The following RASA3 variants were observed in gnomAD, a reference collection of about 807,000 sequenced individuals.
RASA3 encodes RAS p21 protein activator 3, also known as ras GTPase-activating protein 3.
RASA3 carries 73 observed loss-of-function variants against 110.0 expected under a neutral mutation model. The ratio of observed to expected loss-of-function variants is 0.66; its 90% CI spans 0.55 to 0.81. The LOEUF (loss-of-function observed/expected upper bound fraction) is 0.81. Among genes scored for constraint, RASA3 ranks in the 30% least tolerant of loss-of-function variants. RASA3 has a pLI of 0.00. For missense variants in RASA3, 976 were observed against 1,113.2 expected (o/e 0.88, Z 1.75); for synonymous variants, 500 against 451.4 (o/e 1.11, Z -1.37).
intron 2 of RASA3, among the ~76,000 whole-genome samples, chr13:114,058,341 G>A (rs887596214): frequency 6.6e-6 from 1 of 152,174 alleles, no homozygotes; most frequent in Non-Finnish European, 1.5e-5. Flanking sequence ...TCGGGCGTGA[G>A]GCTCACCACT....
chr13:113,980,089 CCACG>C (rs2052882571), intron 23 of RASA3, among the ~76,000 whole-genome samples: 1 of 143,920 alleles, frequency 6.9e-6, no homozygotes, highest in Admixed American at 6.8e-5. Context: ...GCACCACCTC[CCACG>C]TGTGTGCACC....
At chr13:114,079,099 G>T (rs1012351608) in intron 1 of RASA3, among the ~76,000 whole-genome samples, 4 of 152,242 alleles carry the variant, frequency 2.6e-5, no homozygotes, top group Non-Finnish European at 5.9e-5. Flanking sequence ...AAGGAATGAA[G>T]GCAGCCACGG....
Position 114,056,733 on chromosome 13 carries a change from G to T in RASA3, c.174-4578C>A. On this transcript the variant is annotated intron_variant, in intron 2 of 23. Coordinates refer to ENST00000334062, the MANE Select transcript of RASA3 (RefSeq NM_007368.4). This position sits in a 1 kb window ranked among gnomAD's most constrained non-coding sequence, Gnocchi z 5.7. Reference sequence around the variant, plus strand: ...CATTCAATAAAAAGAGATAAAAATAGCAGAAAGAGGAAGCTACAAGAAAAC... The same window carrying T: ...CATTCAATAAAAAGAGATAAAAATATCAGAAAGAGGAAGCTACAAGAAAAC... 1 of 904,694 alleles carries T rather than the reference G, an allele frequency of 1.1e-6. No individual in the cohort carries two copies. Among genetic ancestry groups the T allele is most frequent in the African/African-American group, 1.8e-5 (1 of 55,780 alleles). The allele number at this position is 904,694 out of a possible 1,614,324, so 56.0% of individuals were successfully genotyped here.
intron 1 of RASA3, among the ~76,000 whole-genome samples, chr13:114,105,394 C>T (rs576768694): frequency 1.3e-5 from 2 of 152,280 alleles, no homozygotes; most frequent in African/African-American, 4.8e-5. Flanking sequence ...AGAGGCAACT[C>T]CACCAAGGGG....
In RASA3 at chr13:114,014,431, A is replaced by C. The variant is rs2053743885; in HGVS notation, c.1405+778T>G. On this transcript the variant is annotated intron_variant, in intron 14 of 23. Transcript: ENST00000334062. This position sits in a 1 kb window ranked among gnomAD's most constrained non-coding sequence, Gnocchi z 4.5. ...CAGCGTTTGTCTCCTGGGGACACAGAAGCGTGGACGGCTCTGCAGGACCAT... is the reference window on the plus strand; with the variant it reads ...CAGCGTTTGTCTCCTGGGGACACAGCAGCGTGGACGGCTCTGCAGGACCAT... Among the ~76,000 whole-genome samples, 1 of 152,142 alleles carries C rather than the reference A, an allele frequency of 6.6e-6. No individual in the cohort carries two copies. The highest frequency in any genetic ancestry group is 2.4e-5 in the African/African-American group (1 of 41,440).
chr13:114,062,544 CACA>C (rs1185599563), intron 2 of RASA3, among the ~76,000 whole-genome samples: 2 of 133,036 alleles, frequency 1.5e-5, no homozygotes, highest in East Asian at 4.6e-4. Context: ...CAATAGACAT[CACA>C]GCCCACGTCC....
At chr13:114,047,675 CTG>C (rs1465177818) in intron 3 of RASA3, among the ~76,000 whole-genome samples, 1 of 152,248 alleles carries the variant, frequency 6.6e-6, no homozygotes, top group Admixed American at 6.5e-5. Flanking sequence ...GGCGGCTGAG[CTG>C]TGTCTGTATG....
intron 1 of RASA3, among the ~76,000 whole-genome samples, chr13:114,117,547 G>A (rs2080303999): frequency 6.7e-6 from 1 of 148,900 alleles, no homozygotes; most frequent in Non-Finnish European, 1.5e-5. Flanking sequence ...CATGTGTGAG[G>A]GGAGCACGTG....
chr13:114,026,404 A>G (rs749050616), intron 7 of RASA3, among the ~76,000 whole-genome samples: 10 of 152,208 alleles, frequency 6.6e-5, no homozygotes, highest in African/African-American at 1.4e-4. Flanking sequence ...CCGCCTGTCT[A>G]TAAGTGAGGC....
chr13:113,979,399 CTCT>C lies in RASA3; in HGVS notation c.2450_2452del (p.Lys817del). 1 of 1,605,614 alleles carries C rather than the reference CTCT, an allele frequency of 6.2e-7. No individual in the cohort carries two copies. The highest frequency in any genetic ancestry group is 8.5e-7 in the Non-Finnish European group (1 of 1,172,442). ...CTGCTGCCGGATGTAGTTCTGGAAG[CTCT>C]TGTCTCCGATGGGGTGCTCCCTGAA... On this transcript the variant is annotated inframe_deletion, in exon 24 of 24. Transcript: ENST00000334062.
rs146390522 is a variant in RASA3, at chr13:114,123,077, G to A, written c.55+9358C>T. On this transcript the variant is annotated intron_variant, in intron 1 of 23. Transcript: ENST00000334062. ...TTCGGTGCGTGCCCGGCATGGAGAC[G>A]CTCCTGCTGCCGGCATGGCTTTGGG... Among the ~76,000 whole-genome samples, 698 of 152,332 alleles carry A rather than the reference G, an allele frequency of 4.6e-3. 6 individuals are homozygous for A. The highest frequency in any genetic ancestry group is 8.7e-3 in the Admixed American group (133 of 15,310).
chr13:114,024,201 T>A (rs2053984709), intron 8 of RASA3, 78 bp downstream of exon 8: 1 of 1,314,864 alleles, frequency 7.6e-7, no homozygotes, highest in Non-Finnish European at 1.1e-6. Flanking sequence ...GACCCTATAT[T>A]TAGTAACAAA....
chr13:114,069,146 A>AG (rs1353840719), intron 2 of RASA3, among the ~76,000 whole-genome samples: 1 of 152,072 alleles, frequency 6.6e-6, no homozygotes, highest in Non-Finnish European at 1.5e-5. Flanking sequence ...GAAGAAGAGA[A>AG]GCTGAGTTCC....
At chr13:114,034,938 G>A (rs950395206) in intron 4 of RASA3, among the ~76,000 whole-genome samples, 2 of 151,510 alleles carry the variant, frequency 1.3e-5, no homozygotes, top group African/African-American at 4.9e-5. Context: ...ACGCTGACCT[G>A]AGCTTAGAGC....
At chr13:114,029,081 A>T (rs74402064) in intron 5 of RASA3, among the ~76,000 whole-genome samples, 2 of 11,382 alleles carry the variant, frequency 1.8e-4, no homozygotes, top group Non-Finnish European at 2.6e-4. Context: ...CTAAAACGGC[A>T]TCATCCTGGG....
chr13:114,015,478 A>G, intron 13 of RASA3, 146 bp from the exon 14 acceptor site: 3 of 973,360 alleles, frequency 3.1e-6, no homozygotes, highest in Non-Finnish European at 3.0e-6. Context: ...GTGAACAGCC[A>G]CTCCCTGGAA....
chr13:114,026,473 A>G (rs952741428), intron 7 of RASA3, among the ~76,000 whole-genome samples: 1 of 152,192 alleles, frequency 6.6e-6, no homozygotes, highest in Admixed American at 6.5e-5. Context: ...GTGGCCCTGA[A>G]AGCCTGGCCC....
At chr13:114,034,435 C>G (rs1249519300) in intron 4 of RASA3, among the ~76,000 whole-genome samples, 2 of 152,152 alleles carry the variant, frequency 1.3e-5, no homozygotes, top group Admixed American at 6.5e-5. Flanking sequence ...TCTCCCGGCC[C>G]CTGGCAGCAG....
rs149231268 is a variant in RASA3, at chr13:114,127,882, T to C, written c.55+4553A>G. On this transcript the variant is annotated intron_variant, in intron 1 of 23. Coordinates refer to ENST00000334062, the MANE Select transcript of RASA3 (RefSeq NM_007368.4). The stretch of plus-strand genomic sequence containing the variant: ...CTTTCTCCACCTCAGTGCCGTGGAG[T>C]TTCCAGAGTTTAGATAAAATGAGAT... Among the ~76,000 whole-genome samples the C allele has an allele frequency of 3.7e-3, 559 of 151,848 alleles. 3 individuals are homozygous for C. Among genetic ancestry groups the C allele is most frequent in the African/African-American group, 0.013 (533 of 41,354 alleles).
Sources: allele counts gnomAD v4.1 joint callset (sites outside exome capture counted in the v4.1 genomes callset), GRCh38; gene constraint gnomAD v4.1.1; non-coding constraint Gnocchi (gnomAD v3.1); transcripts MANE v1.5; gene names NCBI Gene and HGNC (gene_info 2026-07-23, HGNC 2026-07-21).